The following ATP6V0A2 variants were observed in gnomAD, a reference collection of about 807,000 sequenced individuals.
ATP6V0A2 encodes ATPase H+ transporting V0 subunit a2.
In ATP6V0A2, 58 loss-of-function variants were observed where a neutral mutation model predicts 104.4. That is an observed-to-expected ratio of 0.56 (90% CI 0.45 to 0.69). The LOEUF (loss-of-function observed/expected upper bound fraction) is 0.69. Ranked by LOEUF, ATP6V0A2 falls within the 30% of genes least tolerant of loss-of-function variation. The pLI is 0.00. For synonymous variants in ATP6V0A2, 376 were observed against 397.9 expected (o/e 0.95, Z 0.65); for missense variants, 938 against 1,062.9 (o/e 0.88, Z 1.63).
chr12:123,718,349 C>G (rs1956364391), intron 1 of ATP6V0A2, among the ~76,000 whole-genome samples: 1 of 152,248 alleles, frequency 6.6e-6, no homozygotes, highest in South Asian at 2.1e-4. Context: ...CTCATCCTCC[C>G]AAAGTGCTGG....
Position 123,760,185 on chromosome 12 carries a change from T to A in ATP6V0A2, c.*2153T>A, listed in dbSNP as rs183540292. On this transcript the variant is annotated 3_prime_UTR_variant, in exon 20 of 20. Coordinates refer to ENST00000330342, the MANE Select transcript of ATP6V0A2 (RefSeq NM_012463.4). ...ACGGGAATTGTTTACTGCTCCCCAC[T>A]AGTAATTCTCATGGGGCCACTTTTT... 60 of 152,346 alleles carry A rather than the reference T, an allele frequency of 3.9e-4. No individual in the cohort carries two copies. In the East Asian group the frequency reaches 0.011, roughly 27 times the overall value. The allele number at this position is 152,346 out of a possible 1,614,324, so 9.4% of individuals were successfully genotyped here.
intron 9 of ATP6V0A2, chr12:123,737,482 C>T (rs1047502080): frequency 4.7e-5 from 26 of 552,068 alleles, no homozygotes; most frequent in South Asian, 1.3e-4. Flanking sequence ...CTCCTGGCCC[C>T]GAGCGATCCT....
Position 123,757,999 on chromosome 12 carries a change from A to G in ATP6V0A2, c.2538A>G (p.Ser846=), listed in dbSNP as rs371549721. 119 of 1,612,594 alleles carry G rather than the reference A, an allele frequency of 7.4e-5. No homozygotes were observed. Among genetic ancestry groups the G allele is most frequent in the Non-Finnish European group, 9.6e-5 (113 of 1,179,550 alleles). The change falls in exon 20 of 20, where the codon TCA becomes TCG. Residue 846 remains serine (S), a synonymous_variant. Transcript: ENST00000330342. ...TTCCTTTCTCATTCAGTCTACTTTC[A>G]TCAAAGTTCAATAACGACGACAGTG... The part of the protein sequence containing the change: ...KFVPFSFSLL[S]SKFNNDDSVA
intron 15 of ATP6V0A2, chr12:123,750,088 C>T (rs1245537223): frequency 1.3e-5 from 2 of 152,030 alleles, no homozygotes; most frequent in Non-Finnish European, 2.9e-5. Flanking sequence ...GGCATAGATA[C>T]CACAGATAAA....
At chr12:123,753,009 C>T (rs1191977029) in intron 17 of ATP6V0A2, among the ~76,000 whole-genome samples, 1 of 152,176 alleles carries the variant, frequency 6.6e-6, no homozygotes, top group Non-Finnish European at 1.5e-5. Context: ...AAAGAATCCC[C>T]AAATACCTGC....
At chr12:123,757,877 G>A (rs1376307490) in intron 19 of ATP6V0A2, 50 bp from the exon 20 acceptor site, 1 of 1,133,254 alleles carries the variant, frequency 8.8e-7, no homozygotes, top group Non-Finnish European at 1.3e-6. Flanking sequence ...TTGTTTTAAG[G>A]AATGTGATTT....
At chr12:123,748,440 G>A in intron 14 of ATP6V0A2, 135 bp from the exon 15 acceptor site, 1 of 762,992 alleles carries the variant, frequency 1.3e-6, no homozygotes. Flanking sequence ...ACACTCAGAT[G>A]TATCTGGATT....
intron 18 of ATP6V0A2, 144 bp from the exon 19 acceptor site, chr12:123,756,671 A>T: frequency 1.3e-6 from 1 of 794,548 alleles, no homozygotes; most frequent in Non-Finnish European, 2.0e-6. Flanking sequence ...CATGAGAAAC[A>T]GTTGGGTCTG....
intron 9 of ATP6V0A2, among the ~76,000 whole-genome samples, chr12:123,741,616 T>C (rs1185939257): frequency 1.3e-5 from 2 of 151,998 alleles, no homozygotes; most frequent in Non-Finnish European, 2.9e-5. Context: ...AATTTATTTA[T>C]TTATTTAGTT....
intron 1 of ATP6V0A2, 51 bp from the exon 2 acceptor site, chr12:123,718,572 A>T: frequency 7.4e-7 from 1 of 1,360,528 alleles, no homozygotes; most frequent in South Asian, 1.2e-5. Context: ...TTTACATAAA[A>T]GTATTTTTAA....
intron 6 of ATP6V0A2, 140 bp downstream of exon 6, chr12:123,728,049 T>C: frequency 9.2e-7 from 1 of 1,086,766 alleles, no homozygotes; most frequent in Non-Finnish European, 1.4e-6. Context: ...CCACGTGTAG[T>C]GTGTATAGTT....
At chr12:123,749,346 G>T (rs1301552953) in intron 15 of ATP6V0A2, among the ~76,000 whole-genome samples, 1 of 152,170 alleles carries the variant, frequency 6.6e-6, no homozygotes, top group Non-Finnish European at 1.5e-5. Flanking sequence ...GATCCTGAGG[G>T]CTGCCCAGTC....
chr12:123,725,314 T>C (rs1956439131), intron 4 of ATP6V0A2, among the ~76,000 whole-genome samples: 1 of 152,222 alleles, frequency 6.6e-6, no homozygotes, highest in South Asian at 2.1e-4. Flanking sequence ...AGCCATTTCC[T>C]GTGTTGGTTG....
intron 6 of ATP6V0A2, among the ~76,000 whole-genome samples, chr12:123,730,044 C>CTTTTTT (rs776847603): frequency 1.4e-5 from 1 of 70,286 alleles, no homozygotes; most frequent in Non-Finnish European, 2.6e-5. Flanking sequence ...GGAGTTAGGT[C>CTTTTTT]TTTTTTTTTT....
chr12:123,726,977 A>T (rs1956453905), intron 5 of ATP6V0A2, among the ~76,000 whole-genome samples: 1 of 152,204 alleles, frequency 6.6e-6, no homozygotes, highest in South Asian at 2.1e-4. Flanking sequence ...GTGGTTATAA[A>T]TTCTTAGGGA....
rs1166089108 is a variant in ATP6V0A2 at position 123,747,580 on chromosome 12, G to T, written c.1606-27G>T. 3 of 1,454,164 alleles carry T rather than the reference G, an allele frequency of 2.1e-6. No homozygotes were observed. In the African/African-American group the frequency reaches 4.2e-5, roughly 20 times the overall value. 90.1% of individuals were successfully genotyped at this position (1,454,164 alleles called of 1,614,324 possible). On this transcript the variant is annotated intron_variant, in intron 13 of 19. Coordinates refer to ENST00000330342, the MANE Select transcript of ATP6V0A2 (RefSeq NM_012463.4). ...CCTGTTGAAGGAAGTTAAAGATTCT[G>T]TTTTGTCTTGTTTGGTTTGGTTTTA... is the stretch of plus-strand genomic sequence containing the variant.
Position 123,760,400 on chromosome 12 carries a change from T to C in ATP6V0A2, c.*2368T>C, listed in dbSNP as rs1956800779. The C allele has an allele frequency of 6.6e-6, 1 of 152,158 alleles. No individual in the cohort carries two copies. Among genetic ancestry groups the C allele is most frequent in the Non-Finnish European group, 1.5e-5 (1 of 68,026 alleles). The allele number at this position is 152,158 out of a possible 1,614,324, so 9.4% of individuals were successfully genotyped here. A position where few individuals can be genotyped will look rare whatever the true frequency, so the allele number is the denominator to read the frequency against. ...TCTTATAGGGGCCACGGGAATTTGTTTCTCTATAAAGCGATGGGCTCCAGT... is the reference window on the plus strand; with the variant it reads ...TCTTATAGGGGCCACGGGAATTTGTCTCTCTATAAAGCGATGGGCTCCAGT... On this transcript the variant is annotated 3_prime_UTR_variant, in exon 20 of 20. Coordinates refer to ENST00000330342, the MANE Select transcript of ATP6V0A2 (RefSeq NM_012463.4).
intron 1 of ATP6V0A2, 89 bp downstream of exon 1, chr12:123,712,771 C>G (rs1303173012): frequency 1.8e-6 from 2 of 1,097,942 alleles, no homozygotes; most frequent in Admixed American, 3.9e-5. Flanking sequence ...CGGGGAGCAC[C>G]GAGGAAGGGC....
chr12:123,739,505 G>A (rs970019308), intron 9 of ATP6V0A2, among the ~76,000 whole-genome samples: 1 of 152,102 alleles, frequency 6.6e-6, no homozygotes, highest in African/African-American at 2.4e-5. Context: ...GATTGAATTT[G>A]ATCAGGTACA....
Sources: gnomAD v4.1 joint callset for allele counts (sites outside exome capture counted in the v4.1 genomes callset) on GRCh38, gnomAD v4.1.1 for gene constraint, MANE v1.5 for transcripts, NCBI Gene and HGNC (gene_info 2026-07-23, HGNC 2026-07-21) for gene names.